RNF220: variants seen among roughly 807,000 people sequenced by gnomAD.
The protein encoded by RNF220 is E3 ubiquitin-protein ligase RNF220.
RNF220 carries 7 observed loss-of-function variants against 67.1 expected under a neutral mutation model. The ratio of observed to expected loss-of-function variants is 0.10; its 90% confidence interval spans 0.06 to 0.20. The LOEUF is 0.20. Among genes scored for constraint, RNF220 ranks in the 10% least tolerant of loss-of-function variants. The pLI is 1.00. For synonymous variants in RNF220, 270 were observed against 283.2 expected (o/e 0.95, Z 0.47); for missense variants, 565 against 740.3 (o/e 0.76, Z 2.75).
chr1:44,577,819 A>T (rs1664922301), intron 2 of RNF220, among the ~76,000 whole-genome samples: 1 of 149,392 alleles, frequency 6.7e-6, no homozygotes, highest in East Asian at 2.0e-4. Flanking sequence ...TACAAAAATT[A>T]GTTGGGCGTG....
At chr1:44,615,315 C>T (rs1246415014) in intron 3 of RNF220, among the ~76,000 whole-genome samples, 1 of 152,146 alleles carries the variant, frequency 6.6e-6, no homozygotes, top group African/African-American at 2.4e-5. Flanking sequence ...TTGATTGAGG[C>T]AGTATTAGAC....
chr1:44,586,439 G>C (rs1665699626), intron 2 of RNF220, among the ~76,000 whole-genome samples: 1 of 152,188 alleles, frequency 6.6e-6, no homozygotes, highest in Admixed American at 6.5e-5. Flanking sequence ...AGGGTGGTGT[G>C]GAAAGGAGGA....
chr1:44,586,509 AG>A (rs1665707296), intron 2 of RNF220, among the ~76,000 whole-genome samples: 1 of 152,134 alleles, frequency 6.6e-6, no homozygotes, highest in Non-Finnish European at 1.5e-5. Flanking sequence ...CCAGGGACCC[AG>A]GGAGCTGCTG....
chr1:44,545,936 A>G (rs1662104602), intron 2 of RNF220, among the ~76,000 whole-genome samples: 1 of 152,030 alleles, frequency 6.6e-6, no homozygotes. Flanking sequence ...TTCTATTTAT[A>G]GTAGAGACGA....
chr1:44,526,011 A>T (rs272534), intron 2 of RNF220, among the ~76,000 whole-genome samples: 2 of 151,862 alleles, frequency 1.3e-5, no homozygotes, highest in African/African-American at 2.4e-5. Context: ...TTCCCCTCCT[A>T]GCTTCACTTT....
At chr1:44,612,424 T>G (rs1464751538) in intron 2 of RNF220, among the ~76,000 whole-genome samples, 2 of 152,210 alleles carry the variant, frequency 1.3e-5, no homozygotes, top group East Asian at 3.8e-4. Context: ...CAGCTTAAAT[T>G]TCACTTCTTT....
intron 2 of RNF220, among the ~76,000 whole-genome samples, chr1:44,517,024 CT>C (rs1406018269): frequency 1.3e-5 from 2 of 152,178 alleles, no homozygotes; most frequent in African/African-American, 2.4e-5. Context: ...GGGAATCACT[CT>C]TCAGCCTTTC....
rs924478140 is a variant in RNF220, at chr1:44,622,956, C to T, written c.804+169C>T. Among the ~76,000 whole-genome samples, 3 of 152,092 alleles carry T rather than the reference C, an allele frequency of 2.0e-5. No individual in the cohort carries two copies. Among genetic ancestry groups the T allele is most frequent in the African/African-American group, 7.2e-5 (3 of 41,380 alleles). On this transcript the variant is annotated intron_variant, in intron 4 of 14. Transcript: ENST00000361799. The surrounding 1 kb of genome is among the most constrained non-coding windows in gnomAD (Gnocchi z 4.3). ...AACATCATCCTGAGGCCTAGGGCTG[C>T]GCCGTGTGTGTGTGTAAGTGTGTGT... is the stretch of plus-strand genomic sequence containing the variant.
At position 44,622,021 on chromosome 1, in the gene RNF220, C is replaced by T. The variant is rs753337373; in HGVS notation, c.759-721C>T. The stretch of plus-strand genomic sequence containing the variant: ...TTTCTGAAGTGGATCTGATTTGATA[C>T]GTCTTGTTCCATTGTCAGCATCTGT... On this transcript the variant is annotated intron_variant, in intron 3 of 14. Transcript: ENST00000361799. The surrounding 1 kb of genome is among the most constrained non-coding windows in gnomAD (Gnocchi z 4.3). 3.9e-5 allele frequency among the ~76,000 whole-genome samples: 6 copies of T among 152,214 alleles called. No individual in the cohort carries two copies. The highest frequency in any genetic ancestry group is 5.9e-5 in the Non-Finnish European group (4 of 68,044).
chr1:44,645,572 G>GAAGCCCTGGCAGCA lies in RNF220; in HGVS notation c.1445+84_1445+85insAAGCCCTGGCAGCA. 1 of 1,407,080 alleles carries GAAGCCCTGGCAGCA rather than the reference G, an allele frequency of 7.1e-7. No individual in the cohort carries two copies. Among genetic ancestry groups the GAAGCCCTGGCAGCA allele is most frequent in the Non-Finnish European group, 9.9e-7 (1 of 1,010,290 alleles). The allele number at this position is 1,407,080 out of a possible 1,614,324, so 87.2% of individuals were successfully genotyped here. The stretch of plus-strand genomic sequence containing the variant: ...TTGCTAGCAGGAAGGCCTGCTGCCA[G>GAAGCCCTGGCAGCA]GGCTTCTGGCCCTCCCAAGTGCAGC... On this transcript the variant is annotated intron_variant, in intron 12 of 14. Transcript: ENST00000361799. This position sits in a 1 kb window ranked among gnomAD's most constrained non-coding sequence, Gnocchi z 5.0.
intron 4 of RNF220, among the ~76,000 whole-genome samples, chr1:44,625,978 T>C (rs1444706364): frequency 6.6e-6 from 1 of 152,162 alleles, no homozygotes; most frequent in African/African-American, 2.4e-5. Context: ...CCAGAGTCTC[T>C]GCTCTCCAAG....
At chr1:44,641,673 A>G (rs938356389) in intron 8 of RNF220, among the ~76,000 whole-genome samples, 1 of 152,210 alleles carries the variant, frequency 6.6e-6, no homozygotes. Context: ...GTGACATTTC[A>G]TTAAGAAAAT....
At chr1:44,548,064 C>T (rs929760363) in intron 2 of RNF220, among the ~76,000 whole-genome samples, 1 of 152,138 alleles carries the variant, frequency 6.6e-6, no homozygotes, top group African/African-American at 2.4e-5. Context: ...AGCCAGAATC[C>T]TAGGCATCCT....
At chr1:44,528,193 T>G (rs982715259) in intron 2 of RNF220, among the ~76,000 whole-genome samples, 5 of 151,882 alleles carry the variant, frequency 3.3e-5, no homozygotes, top group Non-Finnish European at 7.4e-5. Context: ...TAGCTCAATA[T>G]AAAATGGACT....
Position 44,551,806 on chromosome 1 carries a change from CT to C in RNF220, c.626-62358del, listed in dbSNP as rs1040583889. ...TGAGATTTTACCACGCACTTCTTCA[CT>C]CAGAATCCTTCAGCTCTGCTCCCCA... On this transcript the variant is annotated intron_variant, in intron 2 of 14. Coordinates refer to ENST00000361799, the MANE Select transcript of RNF220 (RefSeq NM_018150.4). Among the ~76,000 whole-genome samples the C allele has an allele frequency of 4.6e-4, 70 of 152,320 alleles. 1 individual carries two copies. The highest frequency in any genetic ancestry group is 1.5e-3 in the African/African-American group (61 of 41,560).
At chr1:44,419,179 T>A (rs1019355431) in intron 2 of RNF220, 2 of 152,254 alleles carry the variant, frequency 1.3e-5, no homozygotes, top group Non-Finnish European at 2.9e-5. Flanking sequence ...AAAATGCCTT[T>A]AAAAATTTTT....
chr1:44,459,265 T>G (rs564951711), intron 2 of RNF220, among the ~76,000 whole-genome samples: 1 of 152,230 alleles, frequency 6.6e-6, no homozygotes, highest in African/African-American at 2.4e-5. Context: ...AAGAATGTGT[T>G]TATCTATTGA....
At chr1:44,428,610 C>G (rs1486330503) in intron 2 of RNF220, among the ~76,000 whole-genome samples, 1 of 152,158 alleles carries the variant, frequency 6.6e-6, no homozygotes, top group Non-Finnish European at 1.5e-5. Flanking sequence ...CCCACCCCGC[C>G]CCATCATCTT....
intron 2 of RNF220, among the ~76,000 whole-genome samples, chr1:44,571,075 A>G: frequency 7.5e-6 from 1 of 133,002 alleles, no homozygotes; most frequent in Non-Finnish European, 1.6e-5. Context: ...CTCCATCTGA[A>G]GAAAAAAAAA....
Sources: allele counts gnomAD v4.1 joint callset (sites outside exome capture counted in the v4.1 genomes callset), GRCh38; gene constraint gnomAD v4.1.1; non-coding constraint Gnocchi (gnomAD v3.1); transcripts MANE v1.5; gene names NCBI Gene and HGNC (gene_info 2026-07-23, HGNC 2026-07-21).